Variants in CCDC73 observed in about 807,000 individuals in gnomAD.
CCDC73 encodes the protein coiled-coil domain-containing protein 73.
CCDC73 carries 95 observed loss-of-function variants against 116.5 expected under a neutral mutation model. That is an observed-to-expected ratio of 0.82 (90% CI 0.69 to 0.97). The LOEUF is 0.97. Among genes scored for constraint, CCDC73 ranks in the 50% least tolerant of loss-of-function variants. The pLI, the probability that CCDC73 is intolerant of heterozygous loss-of-function variation, is 0.00. For synonymous variants in CCDC73, 398 were observed against 401.3 expected (o/e 0.99, Z 0.10); for missense variants, 1,066 against 1,206.8 (o/e 0.88, Z 1.73).
At chr11:32,718,233 T>G (rs1427762896) in intron 2 of CCDC73, 86 bp from the exon 3 acceptor site, 1 of 813,780 alleles carries the variant, frequency 1.2e-6, no homozygotes, top group African/African-American at 1.8e-5. Flanking sequence ...GATATAGAAA[T>G]AGCATACTCC....
intron 9 of CCDC73, among the ~76,000 whole-genome samples, chr11:32,666,347 C>A (rs1590580026): frequency 6.6e-6 from 1 of 152,312 alleles, no homozygotes; most frequent in Non-Finnish European, 1.5e-5. Context: ...TTCTTGGAGG[C>A]TTTATTCATT....
At chr11:32,686,265 A>G (rs115717969) in intron 6 of CCDC73, among the ~76,000 whole-genome samples, 3,263 of 150,192 alleles carry the variant, frequency 0.022, 123 homozygotes, top group African/African-American at 0.074. Context: ...GTCATTAACA[A>G]GGATGGAAAA....
At chr11:32,736,758 A>C (rs2133351948) in intron 2 of CCDC73, among the ~76,000 whole-genome samples, 1 of 151,974 alleles carries the variant, frequency 6.6e-6, no homozygotes, top group African/African-American at 2.4e-5. Flanking sequence ...CTTGGAACCA[A>C]CCCAGATGTC....
the CCDC73 span, among the ~76,000 whole-genome samples, chr11:32,821,951 C>T: frequency 4.8e-4 from 73 of 152,244 alleles, no homozygotes; most frequent in South Asian, 7.5e-3. Flanking sequence ...GGATGGGCAA[C>T]GGCAGTCATC....
intron 14 of CCDC73, among the ~76,000 whole-genome samples, chr11:32,629,631 C>T (rs911528044): frequency 2.0e-5 from 3 of 151,996 alleles, no homozygotes; most frequent in Non-Finnish European, 4.4e-5. Context: ...ATCTCCTGAC[C>T]TCATGATCTG....
chr11:32,718,428 C>T (rs190268110), intron 2 of CCDC73, among the ~76,000 whole-genome samples: 419 of 152,188 alleles, frequency 2.8e-3, no homozygotes, highest in African/African-American at 9.6e-3. Context: ...GAAGCTTCAA[C>T]GAAAAGTCCT....
At chr11:32,680,056 C>T (rs897567385) in intron 7 of CCDC73, 4 of 152,146 alleles carry the variant, frequency 2.6e-5, no homozygotes, top group Non-Finnish European at 5.9e-5. Context: ...CACATAGGCA[C>T]CTACAGCATA....
At chr11:32,746,271 T>C (rs1475553288) in intron 2 of CCDC73, among the ~76,000 whole-genome samples, 2 of 152,230 alleles carry the variant, frequency 1.3e-5, no homozygotes, top group Non-Finnish European at 2.9e-5. Context: ...TCTTCTGGCT[T>C]GTAGAGTTTC....
At chr11:32,670,992 T>C (rs1331229436) in intron 9 of CCDC73, among the ~76,000 whole-genome samples, 1 of 152,164 alleles carries the variant, frequency 6.6e-6, no homozygotes, top group African/African-American at 2.4e-5. Context: ...GGAAAAGATC[T>C]TCCACTGAAA....
intron 17 of CCDC73, among the ~76,000 whole-genome samples, chr11:32,606,749 T>C (rs1473470684): frequency 6.6e-6 from 1 of 151,570 alleles, no homozygotes; most frequent in Non-Finnish European, 1.5e-5. Context: ...CACTGTTTCA[T>C]CTGTAAAAAA....
At chr11:32,804,761 T>C in the CCDC73 span, among the ~76,000 whole-genome samples, 1 of 152,200 alleles carries the variant, frequency 6.6e-6, no homozygotes, top group African/African-American at 2.4e-5. Flanking sequence ...AAAGATTTAG[T>C]CTATAACCTC....
At chr11:32,808,839 C>G in the CCDC73 span, among the ~76,000 whole-genome samples, 7 of 152,138 alleles carry the variant, frequency 4.6e-5, no homozygotes, top group Non-Finnish European at 1.0e-4. Flanking sequence ...ACACAGAACT[C>G]TAATTTATAA....
intron 2 of CCDC73, among the ~76,000 whole-genome samples, chr11:32,721,844 G>T (rs997490776): frequency 6.6e-6 from 1 of 151,928 alleles, no homozygotes; most frequent in Non-Finnish European, 1.5e-5. Context: ...TGATCTGCTC[G>T]CCTCGGCCTC....
chr11:32,817,111 T>A, the CCDC73 span, among the ~76,000 whole-genome samples: 1 of 152,242 alleles, frequency 6.6e-6, no homozygotes, highest in Admixed American at 6.5e-5. Context: ...TAGTGAGTTC[T>A]CTATGGTGAA....
At chr11:32,810,485 A>G in the CCDC73 span, among the ~76,000 whole-genome samples, 1 of 152,220 alleles carries the variant, frequency 6.6e-6, no homozygotes, top group African/African-American at 2.4e-5. Context: ...ACAGAGCAAA[A>G]CTAGTAAATT....
chr11:32,733,095 C>CA (rs993089322), intron 2 of CCDC73, among the ~76,000 whole-genome samples: 92 of 150,712 alleles, frequency 6.1e-4, no homozygotes, highest in Non-Finnish European at 1.2e-3. Flanking sequence ...AAATGGAAAA[C>CA]AAAAAAAAGT....
At chr11:32,685,962 T>C (rs1590593499) in intron 6 of CCDC73, among the ~76,000 whole-genome samples, 1 of 151,952 alleles carries the variant, frequency 6.6e-6, no homozygotes, top group African/African-American at 2.4e-5. Context: ...CCTCGTGATC[T>C]GCCTGCCTCA....
intron 14 of CCDC73, among the ~76,000 whole-genome samples, chr11:32,627,269 G>C (rs1440008383): frequency 3.3e-5 from 5 of 152,192 alleles, no homozygotes; most frequent in African/African-American, 4.8e-5. Flanking sequence ...ACCACAATGA[G>C]ATACCATCTC....
intron 5 of CCDC73, among the ~76,000 whole-genome samples, chr11:32,700,581 G>A (rs986962285): frequency 9.2e-5 from 14 of 152,126 alleles, no homozygotes; most frequent in African/African-American, 3.4e-4. Flanking sequence ...TCTATATTCT[G>A]AACTGTAAAT....
Sources: gnomAD v4.1 joint callset for allele counts (sites outside exome capture counted in the v4.1 genomes callset) on GRCh38, gnomAD v4.1.1 for gene constraint, MANE v1.5 for transcripts, NCBI Gene and HGNC (gene_info 2026-07-23, HGNC 2026-07-21) for gene names.